Variants in TENM1 observed in about 807,000 individuals in gnomAD.
TENM1 encodes teneurin transmembrane protein 1.
In TENM1, 35 loss-of-function variants were observed where a neutral mutation model predicts 174.8. That is an observed-to-expected ratio of 0.20 (90% CI 0.15 to 0.27). The LOEUF is 0.27. TENM1 is among the 10% of genes least tolerant of loss of function. The pLI is 1.00. For missense variants in TENM1, 1,633 were observed against 2,130.1 expected (o/e 0.77, Z 4.59); for synonymous variants, 781 against 798.7 (o/e 0.98, Z 0.37).
At chrX:125,023,894 AT>A in the TENM1 span, among the ~76,000 whole-genome samples, 2 of 112,227 alleles carry the variant, frequency 1.8e-5, no homozygotes, top group African/African-American at 3.2e-5. Context: ...AAGAAAAAAA[AT>A]AACCCCAATA....
At chrX:124,616,856 A>G (rs1210034897) in intron 11 of TENM1, among the ~76,000 whole-genome samples, 1 of 111,959 alleles carries the variant, frequency 8.9e-6, no homozygotes, top group East Asian at 2.8e-4. Context: ...AGCAATTCAA[A>G]GAAGAAAAAA....
intron 17 of TENM1, among the ~76,000 whole-genome samples, chrX:124,522,219 T>G (rs1294426246): frequency 9.0e-6 from 1 of 110,956 alleles, no homozygotes; most frequent in African/African-American, 3.3e-5. Flanking sequence ...GGGCAGTATT[T>G]TTGTGTGAGC....
intron 22 of TENM1, among the ~76,000 whole-genome samples, chrX:124,461,753 A>G (rs1382154651): frequency 9.0e-6 from 1 of 111,342 alleles, no homozygotes; most frequent in Non-Finnish European, 1.9e-5. Flanking sequence ...GAAGAGAGGT[A>G]TATTTATACC....
intron 23 of TENM1, among the ~76,000 whole-genome samples, chrX:124,427,543 G>T (rs73546659): frequency 0.01 from 1,144 of 111,478 alleles, 20 homozygotes; most frequent in African/African-American, 0.035. Flanking sequence ...ATTTGATTTG[G>T]CCGGGCAGCT....
chrX:125,123,989 G>T, the TENM1 span, among the ~76,000 whole-genome samples: 2 of 112,454 alleles, frequency 1.8e-5, no homozygotes, highest in East Asian at 5.6e-4. Flanking sequence ...CTGGTGTGAT[G>T]CTGGAGAAGC....
At chrX:125,181,138 G>A in the TENM1 span, among the ~76,000 whole-genome samples, 1 of 111,861 alleles carries the variant, frequency 8.9e-6, no homozygotes, top group South Asian at 3.7e-4. Context: ...TGTGCAAGGT[G>A]TTTTATGAAT....
intron 3 of TENM1, among the ~76,000 whole-genome samples, chrX:124,858,443 A>T (rs2056852325): frequency 9.0e-6 from 1 of 111,604 alleles, no homozygotes. Context: ...AATCTTACCT[A>T]ATGAATTGGA....
At chrX:124,615,676 T>A (rs34275974) in intron 11 of TENM1, among the ~76,000 whole-genome samples, 15,316 of 111,462 alleles carry the variant, frequency 0.14, 1,685 homozygotes, top group African/African-American at 0.38. Flanking sequence ...TTTTGTCCTT[T>A]TTCCTCTCTT....
the TENM1 span, among the ~76,000 whole-genome samples, chrX:125,096,124 T>C: frequency 3.6e-5 from 4 of 111,914 alleles, no homozygotes; most frequent in Non-Finnish European, 7.5e-5. Context: ...CATCAGTGAA[T>C]AGTACAGATC....
the TENM1 span, among the ~76,000 whole-genome samples, chrX:125,084,435 G>A: frequency 9.1e-6 from 1 of 110,170 alleles, no homozygotes; most frequent in Non-Finnish European, 1.9e-5. Flanking sequence ...ATATTCTGTC[G>A]CTTTAGTAGT....
chrX:124,839,621 T>G (rs1330117968), intron 3 of TENM1, among the ~76,000 whole-genome samples: 1 of 111,862 alleles, frequency 8.9e-6, no homozygotes. Flanking sequence ...GTGTCATCAT[T>G]AGCTCTGTTC....
intron 6 of TENM1, among the ~76,000 whole-genome samples, chrX:124,669,138 A>G (rs1270587544): frequency 1.8e-5 from 2 of 112,199 alleles, no homozygotes; most frequent in Admixed American, 1.9e-4. Context: ...TATGCTTTAT[A>G]TCAATTGTTT....
intron 3 of TENM1, among the ~76,000 whole-genome samples, chrX:124,845,665 T>C (rs1428737137): frequency 9.0e-6 from 1 of 110,856 alleles, no homozygotes; most frequent in Non-Finnish European, 1.9e-5. Context: ...TTACAAAATA[T>C]ATATAGGACC....
intron 22 of TENM1, among the ~76,000 whole-genome samples, chrX:124,461,195 C>A (rs2061168811): frequency 8.9e-6 from 1 of 111,828 alleles, no homozygotes; most frequent in African/African-American, 3.2e-5. Context: ...AGTGGGATAT[C>A]AACTCACCTA....
intron 5 of TENM1, chrX:124,688,557 G>A (rs2052433092): frequency 1.4e-5 from 2 of 140,065 alleles, no homozygotes; most frequent in Admixed American, 1.3e-4. Flanking sequence ...CTAAATAGTG[G>A]TAGGGGTGTT....
In TENM1 at chrX:124,462,818, T is replaced by C. The variant is rs750619652; in HGVS notation, c.3950-9327A>G. Among the ~76,000 whole-genome samples, 162 of 111,701 alleles carry C rather than the reference T, an allele frequency of 1.5e-3. 2 individuals are homozygous for C. The highest frequency in any genetic ancestry group is 4.7e-3 in the African/African-American group (146 of 30,756). On this transcript the variant is annotated intron_variant, in intron 22 of 31. Coordinates refer to ENST00000422452, the Ensembl canonical transcript of TENM1. ...CATTTATACTGAAACATATCTACCTTGAACAAAATAAAGCATGCCAGGAGG... is the reference window on the plus strand; with the variant it reads ...CATTTATACTGAAACATATCTACCTCGAACAAAATAAAGCATGCCAGGAGG...
intron 22 of TENM1, among the ~76,000 whole-genome samples, chrX:124,477,910 T>A (rs190833526): frequency 9.4e-6 from 1 of 106,840 alleles, no homozygotes; most frequent in East Asian, 2.8e-4. Flanking sequence ...ATGTGTAGTA[T>A]GTCCAGGTAA....
the TENM1 span, among the ~76,000 whole-genome samples, chrX:125,094,004 C>G: frequency 0.15 from 17,103 of 111,570 alleles, 1,048 homozygotes; most frequent in Admixed American, 0.3. Context: ...TCTTCCTCTG[C>G]GTGGAAGAAT....
At chrX:124,996,543 A>C in the TENM1 span, among the ~76,000 whole-genome samples, 288 of 94,530 alleles carry the variant, frequency 3.0e-3, 1 homozygote, top group African/African-American at 0.013. Context: ...ACTAAAAAAA[A>C]AAAAACCACA....
Sources: gnomAD v4.1 joint callset for allele counts (sites outside exome capture counted in the v4.1 genomes callset) on GRCh38, gnomAD v4.1.1 for gene constraint, MANE v1.5 for transcripts, NCBI Gene and HGNC (gene_info 2026-07-23, HGNC 2026-07-21) for gene names.